Variants in DEPDC1B observed in about 807,000 individuals in gnomAD.
DEPDC1B encodes the protein DEP domain-containing protein 1B.
Under a neutral mutation model 66.5 loss-of-function variants are expected in DEPDC1B, and 51 were observed. That is an observed-to-expected ratio of 0.77 (90% CI 0.61 to 0.97). The LOEUF is 0.97. Among genes scored for constraint, DEPDC1B ranks in the 50% least tolerant of loss-of-function variants. DEPDC1B has a pLI of 0.00. For missense variants in DEPDC1B, 552 were observed against 637.1 expected (o/e 0.87, Z 1.44); for synonymous variants, 226 against 223.6 (o/e 1.01, Z -0.10).
At chr5:60,637,372 C>T (rs1753067124) in intron 7 of DEPDC1B, among the ~76,000 whole-genome samples, 1 of 152,122 alleles carries the variant, frequency 6.6e-6, no homozygotes, top group Non-Finnish European at 1.5e-5. Context: ...GGTCCTGCTC[C>T]CGCCATGTAA....
intron 8 of DEPDC1B, 153 bp downstream of exon 8, chr5:60,605,537 G>T: frequency 1.4e-6 from 1 of 721,968 alleles, no homozygotes; most frequent in Non-Finnish European, 2.1e-6. Flanking sequence ...AAGACACTTA[G>T]AACAAAAGCA....
At chr5:60,645,737 G>A (rs1753301072) in intron 3 of DEPDC1B, 118 bp from the exon 4 acceptor site, 1 of 1,077,202 alleles carries the variant, frequency 9.3e-7, no homozygotes, top group Non-Finnish European at 1.3e-6. Flanking sequence ...TTGGTTACTT[G>A]TAACTTGATT....
intron 2 of DEPDC1B, among the ~76,000 whole-genome samples, chr5:60,673,410 G>C (rs1039141947): frequency 2.0e-5 from 3 of 152,194 alleles, no homozygotes; most frequent in South Asian, 4.1e-4. Flanking sequence ...AGGAGGAGGA[G>C]CGGGGGGCAC....
At chr5:60,601,500 G>T (rs931432104) in intron 9 of DEPDC1B, among the ~76,000 whole-genome samples, 2 of 152,158 alleles carry the variant, frequency 1.3e-5, no homozygotes, top group Admixed American at 6.5e-5. Context: ...CTTAAAATAT[G>T]TTCATGGCCT....
intron 7 of DEPDC1B, among the ~76,000 whole-genome samples, chr5:60,608,018 G>A (rs1402897789): frequency 6.6e-6 from 1 of 152,142 alleles, no homozygotes; most frequent in African/African-American, 2.4e-5. Flanking sequence ...ACCACTGGTG[G>A]GTTCTGAACA....
chr5:60,624,474 T>C (rs955845082), intron 7 of DEPDC1B, among the ~76,000 whole-genome samples: 5 of 152,212 alleles, frequency 3.3e-5, no homozygotes, highest in African/African-American at 1.2e-4. Context: ...TATTTGTTGG[T>C]TTTATTACCC....
chr5:60,607,478 T>C (rs1752334786), intron 7 of DEPDC1B, among the ~76,000 whole-genome samples: 1 of 152,154 alleles, frequency 6.6e-6, no homozygotes, highest in Non-Finnish European at 1.5e-5. Flanking sequence ...CCAACAAATA[T>C]TTATGAACCC....
intron 2 of DEPDC1B, among the ~76,000 whole-genome samples, chr5:60,673,412 G>T (rs181062671): frequency 8.3e-4 from 126 of 152,224 alleles, no homozygotes; most frequent in African/African-American, 2.7e-3. Flanking sequence ...GAGGAGGAGC[G>T]GGGGGCACTG....
intron 7 of DEPDC1B, among the ~76,000 whole-genome samples, chr5:60,616,346 G>A (rs1584031796): frequency 6.6e-6 from 1 of 152,218 alleles, no homozygotes; most frequent in African/African-American, 2.4e-5. Flanking sequence ...ACTACTCTGA[G>A]GTAAAGGAGG....
chr5:60,627,685 T>A (rs946627551), intron 7 of DEPDC1B, among the ~76,000 whole-genome samples: 4 of 152,160 alleles, frequency 2.6e-5, no homozygotes, highest in Non-Finnish European at 4.4e-5. Context: ...ATTGTTAAGA[T>A]CTCTCACAAG....
intron 7 of DEPDC1B, among the ~76,000 whole-genome samples, chr5:60,610,593 C>A (rs1223718214): frequency 1.3e-5 from 2 of 152,154 alleles, no homozygotes; most frequent in African/African-American, 4.8e-5. Flanking sequence ...TTTAATTATA[C>A]CCTCCTAAAC....
intron 2 of DEPDC1B, among the ~76,000 whole-genome samples, chr5:60,672,152 C>A (rs1255730558): frequency 1.3e-5 from 2 of 152,210 alleles, no homozygotes; most frequent in Non-Finnish European, 2.9e-5. Context: ...GATAAAGGAA[C>A]ACTTATTTGC....
chr5:60,658,369 C>T (rs1459304842), intron 2 of DEPDC1B, among the ~76,000 whole-genome samples: 1 of 152,086 alleles, frequency 6.6e-6, no homozygotes, highest in African/African-American at 2.4e-5. Context: ...GTTAAAGAAC[C>T]TTGTTTTGTT....
intron 2 of DEPDC1B, among the ~76,000 whole-genome samples, chr5:60,661,773 A>G (rs951405174): frequency 5.3e-5 from 8 of 152,234 alleles, no homozygotes; most frequent in African/African-American, 1.9e-4. Context: ...GGATGACAAC[A>G]GAGAAAAAAG....
intron 7 of DEPDC1B, among the ~76,000 whole-genome samples, chr5:60,625,718 C>T (rs1752796061): frequency 6.6e-6 from 1 of 152,180 alleles, no homozygotes; most frequent in South Asian, 2.1e-4. Context: ...TTCAGGGATT[C>T]CAATTACATG....
intron 2 of DEPDC1B, among the ~76,000 whole-genome samples, chr5:60,663,954 AAT>A (rs1753777771): frequency 6.6e-6 from 1 of 152,236 alleles, no homozygotes; most frequent in Non-Finnish European, 1.5e-5. Context: ...ACCCTGAAGC[AAT>A]TAAGAGGTTC....
At chr5:60,647,678 TA>T in intron 2 of DEPDC1B, 145 bp from the exon 3 acceptor site, 1 of 780,132 alleles carries the variant, frequency 1.3e-6, no homozygotes. Context: ...TTTAATTTTT[TA>T]AACTGCTCTA....
intron 7 of DEPDC1B, among the ~76,000 whole-genome samples, chr5:60,616,579 T>A (rs1462316088): frequency 6.6e-6 from 1 of 151,102 alleles, no homozygotes; most frequent in Non-Finnish European, 1.5e-5. Flanking sequence ...AAGCGAGAAG[T>A]TTACAGAAAA....
At chr5:60,696,962 G>T (rs575588813) in intron 1 of DEPDC1B, among the ~76,000 whole-genome samples, 2 of 152,218 alleles carry the variant, frequency 1.3e-5, no homozygotes, top group South Asian at 4.1e-4. Flanking sequence ...CCACAACCTC[G>T]TTGTGTGATC....
Sources: gnomAD v4.1 joint callset for allele counts (sites outside exome capture counted in the v4.1 genomes callset) on GRCh38, gnomAD v4.1.1 for gene constraint, MANE v1.5 for transcripts, NCBI Gene and HGNC (gene_info 2026-07-23, HGNC 2026-07-21) for gene names.